NREP: variants seen among roughly 807,000 people sequenced by gnomAD.
NREP encodes neuronal regeneration-related protein.
A neutral mutation model predicts 8.6 loss-of-function variants in NREP; 5 were observed. The observed-to-expected ratio is 0.58, with a 90% CI of 0.30 to 1.22. NREP has a LOEUF of 1.22. Among genes scored for constraint, NREP ranks in the 50% most tolerant of loss-of-function variants. NREP has a pLI of 0.07. For missense variants in NREP, 86 were observed against 82.5 expected (o/e 1.04, Z -0.17); for synonymous variants, 27 against 28.0 (o/e 0.96, Z 0.11).
chr5:111,956,755 T>C (rs1322905313), intron 2 of NREP, among the ~76,000 whole-genome samples: 2 of 151,888 alleles, frequency 1.3e-5, no homozygotes, highest in Non-Finnish European at 1.5e-5. Flanking sequence ...CTGGAGGCCA[T>C]GAGTTTGAGA....
intron 2 of NREP, among the ~76,000 whole-genome samples, chr5:111,862,738 G>A (rs1753578220): frequency 6.6e-6 from 1 of 151,818 alleles, no homozygotes; most frequent in South Asian, 2.1e-4. Context: ...AAAATATCGA[G>A]TTTACAATCT....
chr5:111,872,032 A>G (rs1451935657), intron 2 of NREP, among the ~76,000 whole-genome samples: 1 of 150,434 alleles, frequency 6.6e-6, no homozygotes, highest in African/African-American at 2.4e-5. Flanking sequence ...ATATATATAT[A>G]TACAATCTAT....
chr5:111,922,287 A>G (rs774978919), intron 2 of NREP, among the ~76,000 whole-genome samples: 1 of 152,080 alleles, frequency 6.6e-6, no homozygotes, highest in Non-Finnish European at 1.5e-5. Context: ...TTGTATGCCT[A>G]GTGCCTTTGA....
chr5:111,946,342 G>A (rs1460989387), intron 2 of NREP, among the ~76,000 whole-genome samples: 1 of 151,918 alleles, frequency 6.6e-6, no homozygotes, highest in Admixed American at 6.6e-5. Flanking sequence ...GCAAATGTTT[G>A]AAGTGTGGGC....
intron 2 of NREP, among the ~76,000 whole-genome samples, chr5:111,769,555 C>A (rs898882266): frequency 2.6e-5 from 4 of 152,112 alleles, no homozygotes; most frequent in Admixed American, 2.0e-4. Flanking sequence ...GGGGTGTATT[C>A]ATCTGTCTTC....
chr5:111,733,261 C>T (rs1748769732), intron 3 of NREP: 2 of 152,186 alleles, frequency 1.3e-5, no homozygotes, highest in Admixed American at 1.3e-4. Flanking sequence ...CCATCTCACC[C>T]TTCATTAACT....
intron 2 of NREP, among the ~76,000 whole-genome samples, chr5:111,782,576 G>T (rs940330155): frequency 1.5e-4 from 23 of 152,030 alleles, no homozygotes; most frequent in Non-Finnish European, 1.9e-4. Context: ...AAATAGAGCT[G>T]AAAATAGATT....
intron 2 of NREP, among the ~76,000 whole-genome samples, chr5:111,781,892 G>C (rs1751502811): frequency 6.6e-6 from 1 of 151,910 alleles, no homozygotes; most frequent in African/African-American, 2.4e-5. Context: ...TAGCCAATGA[G>C]AAAACAAGTG....
chr5:111,928,396 T>C (rs1371937861), intron 2 of NREP, among the ~76,000 whole-genome samples: 1 of 152,118 alleles, frequency 6.6e-6, no homozygotes, highest in Non-Finnish European at 1.5e-5. Context: ...AGGTTCTCAG[T>C]TTCAAATTGA....
At chr5:111,779,208 G>A (rs892697000) in intron 2 of NREP, among the ~76,000 whole-genome samples, 1 of 152,132 alleles carries the variant, frequency 6.6e-6, no homozygotes, top group Non-Finnish European at 1.5e-5. Context: ...GCTTATTGCT[G>A]TGTTGTTGGG....
At position 111,877,737 on chromosome 5, in the gene NREP, A is replaced by C. The variant is rs74359979; in HGVS notation, c.135+97537T>G. On this transcript the variant is annotated intron_variant, in intron 2 of 3. Coordinates refer to the NREP transcript ENST00000395634. Reference sequence around the variant, plus strand: ...ATCACTCTTGCTACACATGACCAAAAACATGGTTGATATAACTCTTACGTT... The same window carrying C: ...ATCACTCTTGCTACACATGACCAAACACATGGTTGATATAACTCTTACGTT... Among the ~76,000 whole-genome samples the C allele has an allele frequency of 3.7e-4, 57 of 152,342 alleles. 1 individual carries two copies. In the East Asian group the frequency reaches 0.01, roughly 27 times the overall value.
At chr5:111,879,176 G>T (rs1753985060) in intron 2 of NREP, among the ~76,000 whole-genome samples, 1 of 152,102 alleles carries the variant, frequency 6.6e-6, no homozygotes, top group East Asian at 1.9e-4. Flanking sequence ...GTGACATGCT[G>T]GCTCCCCCCT....
At chr5:111,895,433 T>C (rs1334739766) in intron 2 of NREP, among the ~76,000 whole-genome samples, 6 of 152,146 alleles carry the variant, frequency 3.9e-5, no homozygotes, top group Non-Finnish European at 5.9e-5. Context: ...CAAAACAAGG[T>C]AATTTTAGAT....
At chr5:111,789,247 T>C (rs1751684670) in intron 2 of NREP, among the ~76,000 whole-genome samples, 1 of 152,202 alleles carries the variant, frequency 6.6e-6, no homozygotes, top group African/African-American at 2.4e-5. Context: ...CATACCCAAT[T>C]GCAGCTTTTT....
chr5:111,783,100 T>C (rs968867475), intron 2 of NREP, among the ~76,000 whole-genome samples: 4 of 152,134 alleles, frequency 2.6e-5, no homozygotes, highest in African/African-American at 9.7e-5. Flanking sequence ...TGTTTCATTG[T>C]TCCACAGTAT....
intron 2 of NREP, among the ~76,000 whole-genome samples, chr5:111,960,922 T>C (rs950837483): frequency 6.6e-6 from 1 of 152,184 alleles, no homozygotes; most frequent in Non-Finnish European, 1.5e-5. Flanking sequence ...AAAAAATCAA[T>C]CTATGAGCCA....
intron 2 of NREP, among the ~76,000 whole-genome samples, chr5:111,794,569 A>G (rs565364360): frequency 1.3e-5 from 2 of 152,320 alleles, no homozygotes; most frequent in East Asian, 3.9e-4. Flanking sequence ...GAAAGAAGCC[A>G]ATCTGAAGTG....
intron 2 of NREP, among the ~76,000 whole-genome samples, chr5:111,899,677 C>T (rs1248477452): frequency 6.6e-6 from 1 of 152,128 alleles, no homozygotes; most frequent in African/African-American, 2.4e-5. Context: ...AAGACCTAAC[C>T]ATATGCTGCC....
At chr5:111,821,304 T>C (rs1752508759) in intron 2 of NREP, among the ~76,000 whole-genome samples, 1 of 152,138 alleles carries the variant, frequency 6.6e-6, no homozygotes, top group South Asian at 2.1e-4. Flanking sequence ...TTTAAGACTA[T>C]AGAATCTGAA....
Sources: allele counts gnomAD v4.1 joint callset (sites outside exome capture counted in the v4.1 genomes callset), GRCh38; gene constraint gnomAD v4.1.1; transcripts MANE v1.5; gene names NCBI Gene and HGNC (gene_info 2026-07-23, HGNC 2026-07-21).